Variants in NF1 observed in about 807,000 individuals in gnomAD.
The protein encoded by NF1 is neurofibromin.
Under a neutral mutation model 325.7 loss-of-function variants are expected in NF1, and 122 were observed. That is an observed-to-expected ratio of 0.37 (90% CI 0.32 to 0.44). NF1 has a LOEUF of 0.44. Ranked by LOEUF, NF1 falls within the 20% of genes least tolerant of loss-of-function variation. NF1 has a pLI of 1.00. For missense variants in NF1, 2,140 were observed against 3,415.4 expected (o/e 0.63, Z 9.31); for synonymous variants, 1,091 against 1,186.0 (o/e 0.92, Z 1.65).
intron 11 of NF1, among the ~76,000 whole-genome samples, chr17:31,203,978 A>C (rs897461111): frequency 6.6e-6 from 1 of 152,102 alleles, no homozygotes; most frequent in African/African-American, 2.4e-5. Context: ...TTTGATTCTT[A>C]TTATAATGCA....
intron 1 of NF1, among the ~76,000 whole-genome samples, chr17:31,134,154 A>G (rs1915594253): frequency 6.6e-6 from 1 of 152,218 alleles, no homozygotes; most frequent in South Asian, 2.1e-4. Context: ...TGCTGGGATT[A>G]TAAGTGGAAG....
intron 37 of NF1, 122 bp from the exon 38 acceptor site, chr17:31,327,377 T>C: frequency 1.4e-6 from 1 of 721,404 alleles, no homozygotes; most frequent in Non-Finnish European, 2.5e-6. Context: ...TATACAATGG[T>C]GGGAACTCTT....
chr17:31,096,545 G>C (rs1911737647), intron 1 of NF1, among the ~76,000 whole-genome samples: 1 of 152,132 alleles, frequency 6.6e-6, no homozygotes, highest in Non-Finnish European at 1.5e-5. Context: ...TGCAGCTGTG[G>C]GTGCAGTGGG....
intron 12 of NF1, among the ~76,000 whole-genome samples, chr17:31,209,326 C>G (rs2066681326): frequency 6.6e-6 from 1 of 152,220 alleles, no homozygotes; most frequent in Non-Finnish European, 1.5e-5. Context: ...TCTAGGAGTT[C>G]TGTTGCAAAA....
intron 36 of NF1, among the ~76,000 whole-genome samples, chr17:31,274,872 A>G (rs1183681634): frequency 2.0e-5 from 3 of 152,126 alleles, no homozygotes; most frequent in Non-Finnish European, 4.4e-5. Flanking sequence ...CTCAGTCTCA[A>G]CTTGTTTAAA....
At chr17:31,130,516 G>T (rs1463459205) in intron 1 of NF1, among the ~76,000 whole-genome samples, 1 of 152,002 alleles carries the variant, frequency 6.6e-6, no homozygotes, top group Non-Finnish European at 1.5e-5. Flanking sequence ...GGGGCAGGGT[G>T]CTGGTGGGTG....
chr17:31,373,279 C>A (rs1419655312), intron 57 of NF1, among the ~76,000 whole-genome samples: 1 of 152,148 alleles, frequency 6.6e-6, no homozygotes, highest in Non-Finnish European at 1.5e-5. Flanking sequence ...TCAGTACTTT[C>A]TGCTGCTGGA....
chr17:31,292,428 C>T (rs575072371), intron 36 of NF1, among the ~76,000 whole-genome samples: 1 of 152,206 alleles, frequency 6.6e-6, no homozygotes, highest in African/African-American at 2.4e-5. Context: ...TATAGTTTCC[C>T]TCAGTATATC....
At chr17:31,111,828 G>A (rs544272603) in intron 1 of NF1, among the ~76,000 whole-genome samples, 2 of 152,202 alleles carry the variant, frequency 1.3e-5, no homozygotes, top group South Asian at 2.1e-4. Context: ...GCACACACTC[G>A]GGTAAGTGTG....
intron 1 of NF1, among the ~76,000 whole-genome samples, chr17:31,101,399 G>C (rs1912329415): frequency 6.6e-6 from 1 of 152,028 alleles, no homozygotes; most frequent in Non-Finnish European, 1.5e-5. Context: ...TTCCTCATCT[G>C]TTGAAAAAGA....
intron 31 of NF1, chr17:31,253,314 C>T (rs922974027): frequency 7.1e-6 from 2 of 283,258 alleles, no homozygotes; most frequent in Non-Finnish European, 1.4e-5. Flanking sequence ...AATTTCAAGG[C>T]CTTAGGAAAC....
Position 31,223,581 on chromosome 17 carries a change from CAT to C in NF1, c.1845+17_1845+18del, listed in dbSNP as rs765979407. The C allele has an allele frequency of 8.0e-5, 128 of 1,607,550 alleles. No homozygotes were observed. Among genetic ancestry groups the C allele is most frequent in the Non-Finnish European group, 1.0e-4 (119 of 1,175,040 alleles). On this transcript the variant is annotated intron_variant, in intron 16 of 57. Coordinates refer to ENST00000358273, the MANE Select transcript of NF1 (RefSeq NM_001042492.3). ...CTTAAAAATAAGGTAAGCAAAATGA[CAT>C]ATTTAAAAAATGGAAGAATATTTGG...
intron 1 of NF1, among the ~76,000 whole-genome samples, chr17:31,099,033 G>A (rs1277680507): frequency 6.6e-6 from 1 of 152,130 alleles, no homozygotes; most frequent in Non-Finnish European, 1.5e-5. Context: ...TGGGCCCAGG[G>A]GGAGTTAAGC....
intron 47 of NF1, among the ~76,000 whole-genome samples, chr17:31,342,472 T>C (rs2069849633): frequency 6.6e-6 from 1 of 152,140 alleles, no homozygotes; most frequent in Admixed American, 6.6e-5. Context: ...CACATGTTTG[T>C]AACTCCAGCG....
At chr17:31,198,836 C>CT (rs1392687831) in intron 8 of NF1, among the ~76,000 whole-genome samples, 1 of 152,068 alleles carries the variant, frequency 6.6e-6, no homozygotes, top group East Asian at 1.9e-4. Context: ...TCAGGCTGGT[C>CT]TTAAACTCCT....
rs17883002 is a variant in NF1 at position 31,214,112 on chromosome 17, A to G, written c.1393-339A>G. ...TGTATATTTGTGAGAACTATAGGCC[A>G]AATCTTTTTTCCCTTATGTTTTTAC... On this transcript the variant is annotated intron_variant, in intron 12 of 57. Coordinates refer to ENST00000358273, the MANE Select transcript of NF1 (RefSeq NM_001042492.3). 0.024 allele frequency among the ~76,000 whole-genome samples: 3,690 copies of G among 152,218 alleles called. 150 individuals carry two copies. The highest frequency in any genetic ancestry group is 0.083 in the African/African-American group (3,438 of 41,524).
intron 31 of NF1, 138 bp downstream of exon 31, chr17:31,253,138 C>A: frequency 1.5e-6 from 1 of 686,806 alleles, no homozygotes; most frequent in Non-Finnish European, 2.6e-6. Flanking sequence ...CACAAAATAG[C>A]TTTCATTTCA....
chr17:31,222,725 A>G (rs1272142243), intron 15 of NF1: 3 of 194,790 alleles, frequency 1.5e-5, no homozygotes, highest in African/African-American at 7.0e-5. Context: ...GTTATTAATG[A>G]CATTTCATTC....
intron 20 of NF1, among the ~76,000 whole-genome samples, chr17:31,228,591 A>G (rs1323518321): frequency 2.0e-5 from 3 of 152,036 alleles, no homozygotes; most frequent in Non-Finnish European, 4.4e-5. Flanking sequence ...CCCTTTAGCT[A>G]TCTCTGCCTC....
Sources: gnomAD v4.1 joint callset for allele counts (sites outside exome capture counted in the v4.1 genomes callset) on GRCh38, gnomAD v4.1.1 for gene constraint, MANE v1.5 for transcripts, NCBI Gene and HGNC (gene_info 2026-07-23, HGNC 2026-07-21) for gene names.